The following SLC13A3 variants were observed in gnomAD, a reference collection of about 807,000 sequenced individuals.
The protein encoded by SLC13A3 is solute carrier family 13 member 3.
A neutral mutation model predicts 59.0 loss-of-function variants in SLC13A3; 40 were observed. That is an observed-to-expected ratio of 0.68 (90% CI 0.53 to 0.88). The LOEUF (loss-of-function observed/expected upper bound fraction) is 0.88. SLC13A3 is among the 40% of genes least tolerant of loss of function. SLC13A3 has a pLI of 0.00. For missense variants in SLC13A3, 699 were observed against 783.2 expected (o/e 0.89, Z 1.28); for synonymous variants, 317 against 330.3 (o/e 0.96, Z 0.44).
chr20:46,656,321 T>C, upstream of SLC13A3, among the ~76,000 whole-genome samples: 1 of 124,808 alleles, frequency 8.0e-6, no homozygotes, highest in Non-Finnish European at 1.7e-5. Context: ...TATTATACTG[T>C]ATATGATATA....
intron 1 of SLC13A3, among the ~76,000 whole-genome samples, chr20:46,646,518 G>C (rs181482207): frequency 2.0e-5 from 3 of 152,198 alleles, no homozygotes; most frequent in Non-Finnish European, 4.4e-5. Flanking sequence ...CCTAATTCTC[G>C]TAACAGAATG....
intron 10 of SLC13A3, among the ~76,000 whole-genome samples, chr20:46,569,940 G>A (rs1442856027): frequency 6.6e-6 from 1 of 152,148 alleles, no homozygotes; most frequent in Non-Finnish European, 1.5e-5. Flanking sequence ...AACTCCTGTG[G>A]CCAAAATACC....
chr20:46,676,681 G>A (rs1018119916), intron 1 of SLC13A3, among the ~76,000 whole-genome samples: 1 of 151,416 alleles, frequency 6.6e-6, no homozygotes, highest in African/African-American at 2.4e-5. Context: ...GAACTCCTGG[G>A]CCCAGGAGAT....
At chr20:46,578,956 A>G (rs1568916993) in intron 9 of SLC13A3, among the ~76,000 whole-genome samples, 1 of 152,140 alleles carries the variant, frequency 6.6e-6, no homozygotes, top group East Asian at 1.9e-4. Flanking sequence ...CACCACAAGC[A>G]CATAGTAGGT....
intron 1 of SLC13A3, among the ~76,000 whole-genome samples, chr20:46,636,568 G>C (rs1002166968): frequency 2.0e-5 from 3 of 152,190 alleles, no homozygotes; most frequent in Non-Finnish European, 4.4e-5. Context: ...TATTTGGAGG[G>C]CACTTTTTTG....
Position 46,563,453 on chromosome 20 carries a change from G to A in SLC13A3, c.1593C>T (p.Ser531=), listed in dbSNP as rs1600490145. 1 of 1,614,170 alleles carries A rather than the reference G, an allele frequency of 6.2e-7. No individual in the cohort carries two copies. Among genetic ancestry groups the A allele is most frequent in the Non-Finnish European group, 8.5e-7 (1 of 1,180,034 alleles). Residue 531 remains serine, a synonymous_variant, in exon 12 of 13, where the codon TCC becomes TCT. Transcript: ENST00000279027. ...GCAAGTGTCCAGAGGCGAAGGCGATGGAGTTGGGGGGCGTTGAGACCGGGA... is the reference window on the plus strand; with the variant it reads ...GCAAGTGTCCAGAGGCGAAGGCGATAGAGTTGGGGGGCGTTGAGACCGGGA... ...FMLPVSTPPN[S]IAFASGHLLV...
intron 1 of SLC13A3, among the ~76,000 whole-genome samples, chr20:46,641,518 G>C (rs1258780904): frequency 6.6e-6 from 1 of 152,170 alleles, no homozygotes; most frequent in Non-Finnish European, 1.5e-5. Context: ...TGAGAAGCAG[G>C]AGGACTTCTA....
intron 1 of SLC13A3, among the ~76,000 whole-genome samples, chr20:46,640,819 C>T (rs757320004): frequency 4.6e-5 from 7 of 152,144 alleles, no homozygotes; most frequent in Non-Finnish European, 1.0e-4. Context: ...CAAGGTCTGG[C>T]GGTGTCAGAG....
rs1003702302 is a variant in SLC13A3 at position 46,661,342 on chromosome 20, G to A, written c.-31+8701C>T. 2.0e-5 allele frequency among the ~76,000 whole-genome samples: 3 copies of A among 152,194 alleles called. No homozygotes were observed. In the East Asian group the frequency reaches 5.8e-4, roughly 29 times the overall value. ...AGTTAATCGGTTTTACCCGTAGTATGGAGTTAACCAGTCTTACCTGTGGTT... is the reference window on the plus strand; with the variant it reads ...AGTTAATCGGTTTTACCCGTAGTATAGAGTTAACCAGTCTTACCTGTGGTT... On this transcript the variant is annotated intron_variant, in intron 1 of 12. Transcript: ENST00000290317.
intron 10 of SLC13A3, among the ~76,000 whole-genome samples, chr20:46,572,727 G>T (rs376786290): frequency 9.8e-5 from 15 of 152,310 alleles, no homozygotes; most frequent in South Asian, 8.3e-4. Context: ...CTCACTTAAT[G>T]ATCATGGCAA....
chr20:46,613,836 G>A lies in SLC13A3; in HGVS notation c.112-111C>T, dbSNP rs1007992498. ...GGAGGCCTGGGCTGGGGGCAGAGGG[G>A]GAAGGAGGCCTGCGGCAGGGCCTGC... On this transcript the variant is annotated intron_variant, in intron 1 of 12. Transcript: ENST00000279027. 8.3e-6 allele frequency: 8 copies of A among 968,796 alleles called. No individual in the cohort carries two copies. The African/African-American group carries it at 9.9e-5, about 12-fold the overall frequency. The allele number at this position is 968,796 out of a possible 1,614,324, so 60.0% of individuals were successfully genotyped here. A position where few individuals can be genotyped will look rare whatever the true frequency, so the allele number is the denominator to read the frequency against.
intron 9 of SLC13A3, among the ~76,000 whole-genome samples, chr20:46,580,556 A>G (rs1328372684): frequency 6.6e-6 from 1 of 151,988 alleles, no homozygotes; most frequent in East Asian, 1.9e-4. Flanking sequence ...TACAAACTCA[A>G]TTGTAACCCC....
At chr20:46,611,026 A>G (rs1037999826) in intron 2 of SLC13A3, among the ~76,000 whole-genome samples, 2 of 151,144 alleles carry the variant, frequency 1.3e-5, no homozygotes, top group African/African-American at 2.4e-5. Context: ...CGCACCCAAC[A>G]CCTTTACTCC....
intron 1 of SLC13A3, among the ~76,000 whole-genome samples, chr20:46,642,049 G>A (rs2062850289): frequency 6.6e-6 from 1 of 152,164 alleles, no homozygotes; most frequent in Admixed American, 6.5e-5. Context: ...CCACAGTAAA[G>A]GCTCATGCCC....
At position 46,588,419 on chromosome 20, in the gene SLC13A3, G is replaced by A. The variant is rs114293782; in HGVS notation, c.1017-256C>T. On this transcript the variant is annotated intron_variant, in intron 7 of 12. Coordinates refer to ENST00000279027, the MANE Select transcript of SLC13A3 (RefSeq NM_022829.6). ...CTCAAGCCACCCCCTCCCCGAAATC[G>A]CGTGTTTCATTATCACCAGGAGTTT... Among the ~76,000 whole-genome samples the A allele has an allele frequency of 4.0e-3, 616 of 152,198 alleles. 5 individuals are homozygous for A. Among genetic ancestry groups the A allele is most frequent in the African/African-American group, 0.014 (591 of 41,516 alleles).
intron 1 of SLC13A3, among the ~76,000 whole-genome samples, chr20:46,675,499 G>C (rs2063119376): frequency 6.8e-6 from 1 of 147,666 alleles, no homozygotes; most frequent in Admixed American, 6.8e-5. Flanking sequence ...GCCCACCTCA[G>C]CCTCCCAAAG....
intron 3 of SLC13A3, chr20:46,608,885 C>T (rs1208120249): frequency 3.2e-6 from 5 of 1,549,578 alleles, no homozygotes; most frequent in East Asian, 2.4e-5. Context: ...CTTTGGGTCC[C>T]AGGTGCCATC....
At chr20:46,566,958 C>G (rs952434436) in intron 10 of SLC13A3, among the ~76,000 whole-genome samples, 2 of 151,992 alleles carry the variant, frequency 1.3e-5, no homozygotes, top group African/African-American at 4.8e-5. Context: ...AATCCCAGCA[C>G]TTTGGGAGGC....
chr20:46,663,342 G>A (rs1430725263), intron 1 of SLC13A3, among the ~76,000 whole-genome samples: 3 of 151,920 alleles, frequency 2.0e-5, no homozygotes, highest in Non-Finnish European at 2.9e-5. Flanking sequence ...CTACTCGAGA[G>A]GCTGAAGTGG....
Sources: gnomAD v4.1 joint callset for allele counts (sites outside exome capture counted in the v4.1 genomes callset) on GRCh38, gnomAD v4.1.1 for gene constraint, MANE v1.5 for transcripts, NCBI Gene and HGNC (gene_info 2026-07-23, HGNC 2026-07-21) for gene names.